LINGO2: variants seen among roughly 807,000 people sequenced by gnomAD.
LINGO2 encodes leucine-rich repeat and immunoglobulin-like domain-containing nogo receptor-interacting protein 2.
A neutral mutation model predicts 30.6 loss-of-function variants in LINGO2; 14 were observed. That is an observed-to-expected ratio of 0.46 (90% CI 0.30 to 0.72). The LOEUF is 0.72. LINGO2 is among the 30% of genes least tolerant of loss of function. LINGO2 has a pLI of 0.07. For missense variants in LINGO2, 729 were observed against 751.7 expected, an observed-to-expected ratio of 0.97 and a Z score of 0.35; for synonymous variants, 317 against 288.5, an observed-to-expected ratio of 1.10 and a Z score of -1.00.
chr9:28,328,556 G>GA (rs34495703), intron 3 of LINGO2, among the ~76,000 whole-genome samples: 52,086 of 145,756 alleles, frequency 0.36, 9,637 homozygotes, highest in Non-Finnish European at 0.43. Flanking sequence ...GTCCATCTTT[G>GA]AAAAAAAAAA....
the LINGO2 span, among the ~76,000 whole-genome samples, chr9:28,754,232 G>T: frequency 6.6e-6 from 1 of 152,096 alleles, no homozygotes; most frequent in Middle Eastern, 3.4e-3. Flanking sequence ...CCTTCTTCCA[G>T]GGGGATATTA....
intron 4 of LINGO2, among the ~76,000 whole-genome samples, chr9:28,189,257 AAGGAAGGGAGGGAGGAAGGGAGGGAGGG>A (rs1819662001): frequency 8.8e-6 from 1 of 114,074 alleles, no homozygotes; most frequent in Non-Finnish European, 1.8e-5. Context: ...GGAAGGGAGG[AAGGAAGGGAGGGAGGAAGGGAGGGAGGG>A]AGGGAGGAAG....
chr9:28,787,842 T>G, the LINGO2 span, among the ~76,000 whole-genome samples: 1 of 152,180 alleles, frequency 6.6e-6, no homozygotes, highest in Non-Finnish European at 1.5e-5. Flanking sequence ...TGGCATATAT[T>G]TTTAACTTTA....
At chr9:28,554,315 C>A (rs1428906780) in intron 1 of LINGO2, among the ~76,000 whole-genome samples, 15 of 148,934 alleles carry the variant, frequency 1.0e-4, no homozygotes, top group South Asian at 2.2e-4. Context: ...TCTACCAAGC[C>A]AATGGAAAAC....
the LINGO2 span, among the ~76,000 whole-genome samples, chr9:28,944,517 T>G: frequency 6.6e-6 from 1 of 152,154 alleles, no homozygotes; most frequent in Non-Finnish European, 1.5e-5. Flanking sequence ...GCAATTCTCC[T>G]GCCTCAGCCT....
chr9:28,752,060 T>C, the LINGO2 span, among the ~76,000 whole-genome samples: 3 of 152,120 alleles, frequency 2.0e-5, no homozygotes, highest in East Asian at 1.9e-4. Flanking sequence ...CGTTGGAGTA[T>C]TTAGTAAAGT....
chr9:28,848,256 A>AG, the LINGO2 span, among the ~76,000 whole-genome samples: 110 of 117,142 alleles, frequency 9.4e-4, 1 homozygote, highest in African/African-American at 3.3e-3. Flanking sequence ...ATATACGCAT[A>AG]TATAGTGTAT....
the LINGO2 span, among the ~76,000 whole-genome samples, chr9:29,080,966 G>A: frequency 0.16 from 24,935 of 151,946 alleles, 2,181 homozygotes; most frequent in East Asian, 0.34. Flanking sequence ...TATTAGGTCC[G>A]CTTGGTGCTC....
chr9:28,821,429 A>G, the LINGO2 span, among the ~76,000 whole-genome samples: 1 of 152,216 alleles, frequency 6.6e-6, no homozygotes, highest in African/African-American at 2.4e-5. Flanking sequence ...GCTCACCCCA[A>G]CAAAGGCAAG....
intron 5 of LINGO2, among the ~76,000 whole-genome samples, chr9:27,998,925 ACTCTAAGTTCAG>A (rs1821804266): frequency 1.3e-5 from 2 of 152,058 alleles, no homozygotes; most frequent in Non-Finnish European, 2.9e-5. Flanking sequence ...TTTTAAAAAT[ACTCTAAGTTCAG>A]CCTTAAGTAC....
the LINGO2 span, among the ~76,000 whole-genome samples, chr9:28,857,591 T>C: frequency 6.6e-6 from 1 of 152,034 alleles, no homozygotes; most frequent in Non-Finnish European, 1.5e-5. Context: ...GGGCGTGAGC[T>C]AGACACATAA....
At chr9:29,013,566 CTT>C in the LINGO2 span, among the ~76,000 whole-genome samples, 1 of 151,878 alleles carries the variant, frequency 6.6e-6, no homozygotes, top group Non-Finnish European at 1.5e-5. Flanking sequence ...TGTTAGATGC[CTT>C]TGAAACATAA....
intron 3 of LINGO2, among the ~76,000 whole-genome samples, chr9:28,340,047 T>C (rs954600400): frequency 2.6e-5 from 4 of 152,120 alleles, no homozygotes; most frequent in African/African-American, 9.7e-5. Flanking sequence ...TGCTGCTCAG[T>C]AAAACAGGCA....
chr9:28,491,640 A>T (rs1826399916), intron 1 of LINGO2, among the ~76,000 whole-genome samples: 1 of 152,196 alleles, frequency 6.6e-6, no homozygotes, highest in Non-Finnish European at 1.5e-5. Context: ...AACATTTAAA[A>T]TCAAATGGAA....
chr9:29,077,697 T>C, the LINGO2 span, among the ~76,000 whole-genome samples: 2 of 151,948 alleles, frequency 1.3e-5, no homozygotes, highest in African/African-American at 4.8e-5. Flanking sequence ...CATGAAATAA[T>C]TTTTTTACAG....
chr9:29,163,395 T>C, the LINGO2 span, among the ~76,000 whole-genome samples: 1 of 152,182 alleles, frequency 6.6e-6, no homozygotes, highest in South Asian at 2.1e-4. Context: ...TCTTAAATAA[T>C]TTTAGTCTTC....
intron 3 of LINGO2, among the ~76,000 whole-genome samples, chr9:28,295,791 A>C (rs544260340): frequency 6.6e-6 from 1 of 152,318 alleles, no homozygotes; most frequent in African/African-American, 2.4e-5. Context: ...AGCGAAATCC[A>C]CAAGATTGTG....
intron 1 of LINGO2, among the ~76,000 whole-genome samples, chr9:28,611,422 T>A (rs1260298478): frequency 6.6e-6 from 1 of 151,924 alleles, no homozygotes; most frequent in African/African-American, 2.4e-5. Flanking sequence ...CTCAGCATAT[T>A]TCAAGCATAC....
At chr9:28,896,153 A>T in the LINGO2 span, among the ~76,000 whole-genome samples, 1 of 152,198 alleles carries the variant, frequency 6.6e-6, no homozygotes, top group African/African-American at 2.4e-5. Context: ...GTGTGAACTG[A>T]AAGCAAAAAG....
Sources: gnomAD v4.1 joint callset for allele counts (sites outside exome capture counted in the v4.1 genomes callset) on GRCh38, gnomAD v4.1.1 for gene constraint, MANE v1.5 for transcripts, NCBI Gene and HGNC (gene_info 2026-07-23, HGNC 2026-07-21) for gene names.